Variants in CFAP299 observed in about 807,000 individuals in gnomAD.
CFAP299 encodes the protein cilia and flagella associated protein 299, also known as cilia- and flagella-associated protein 299.
In CFAP299, 21 loss-of-function variants were observed where a neutral mutation model predicts 27.0. The observed-to-expected ratio is 0.78, with a 90% CI of 0.55 to 1.12. The LOEUF is 1.12. Among genes scored for constraint, CFAP299 ranks in the 50% most tolerant of loss-of-function variants. CFAP299 has a pLI of 0.00. For synonymous variants in CFAP299, 104 were observed against 98.1 expected, an observed-to-expected ratio of 1.06 and a Z score of -0.36; for missense variants, 310 against 276.6, an observed-to-expected ratio of 1.12 and a Z score of -0.86.
intron 4 of CFAP299, among the ~76,000 whole-genome samples, chr4:80,888,027 A>G (rs1258958583): frequency 6.6e-6 from 1 of 152,076 alleles, no homozygotes; most frequent in Non-Finnish European, 1.5e-5. Flanking sequence ...CCAGAGAAAA[A>G]TCACCTTCAC....
chr4:80,886,695 A>G lies in CFAP299; in HGVS notation c.476+16560A>G, dbSNP rs1008186275. The stretch of plus-strand genomic sequence containing the variant: ...CACTGATGAGCATCTACAAGCATCA[A>G]ACCATCCAGGAACACGTAACTTCAC... On this transcript the variant is annotated intron_variant, in intron 4 of 5. Transcript: ENST00000358105. 3.9e-5 allele frequency among the ~76,000 whole-genome samples: 6 copies of G among 152,204 alleles called. 1 individual carries two copies. The highest frequency in any genetic ancestry group is 3.9e-4 in the Admixed American group (6 of 15,284).
At chr4:80,815,462 TA>T (rs1729374462) in intron 3 of CFAP299, among the ~76,000 whole-genome samples, 1 of 151,922 alleles carries the variant, frequency 6.6e-6, no homozygotes, top group Non-Finnish European at 1.5e-5. Context: ...CAATATGAAA[TA>T]AATTTAAGAC....
chr4:80,620,674 T>C (rs537927991), intron 3 of CFAP299, among the ~76,000 whole-genome samples: 1 of 152,220 alleles, frequency 6.6e-6, no homozygotes, highest in Non-Finnish European at 1.5e-5. Context: ...GAAGCCATCT[T>C]CAATCAACTT....
intron 3 of CFAP299, among the ~76,000 whole-genome samples, chr4:80,840,098 G>C (rs1730779666): frequency 1.3e-5 from 2 of 152,022 alleles, no homozygotes; most frequent in African/African-American, 4.8e-5. Flanking sequence ...TCAGAAATTT[G>C]CTTTGTTGTT....
At chr4:80,536,261 T>C (rs1733733551) in intron 2 of CFAP299, among the ~76,000 whole-genome samples, 1 of 152,188 alleles carries the variant, frequency 6.6e-6, no homozygotes, top group Non-Finnish European at 1.5e-5. Context: ...TCTGAATTAC[T>C]GCCTTTCAAG....
chr4:80,367,003 T>C (rs1723867701), intron 2 of CFAP299, among the ~76,000 whole-genome samples: 1 of 152,206 alleles, frequency 6.6e-6, no homozygotes, highest in African/African-American at 2.4e-5. Flanking sequence ...CCAGTATCAG[T>C]AAATCTATAG....
At chr4:80,633,362 C>A (rs954661549) in intron 3 of CFAP299, among the ~76,000 whole-genome samples, 3 of 152,062 alleles carry the variant, frequency 2.0e-5, no homozygotes, top group Non-Finnish European at 2.9e-5. Flanking sequence ...TCGCTTGAAG[C>A]TGGGAGGAGG....
intron 3 of CFAP299, among the ~76,000 whole-genome samples, chr4:80,814,569 C>A (rs186160967): frequency 6.6e-6 from 1 of 151,726 alleles, no homozygotes; most frequent in Non-Finnish European, 1.5e-5. Context: ...TCTAAGACTC[C>A]GTAATTTGGG....
chr4:80,822,840 C>T (rs1032784385), intron 3 of CFAP299, among the ~76,000 whole-genome samples: 3 of 152,096 alleles, frequency 2.0e-5, no homozygotes, highest in Non-Finnish European at 1.5e-5. Context: ...AGGAATTGGC[C>T]CACACTGCAC....
At chr4:80,856,946 C>G in intron 3 of CFAP299, among the ~76,000 whole-genome samples, 1 of 151,804 alleles carries the variant, frequency 6.6e-6, no homozygotes, top group Non-Finnish European at 1.5e-5. Context: ...TGAAGAAAGT[C>G]ATTGGTAGCT....
intron 2 of CFAP299, among the ~76,000 whole-genome samples, chr4:80,489,851 C>A (rs1578506043): frequency 6.6e-6 from 1 of 152,168 alleles, no homozygotes; most frequent in African/African-American, 2.4e-5. Context: ...TCTGTTAGAA[C>A]CATGGCCATT....
At chr4:80,504,460 CACAT>C (rs1350407118) in intron 2 of CFAP299, among the ~76,000 whole-genome samples, 1 of 44,320 alleles carries the variant, frequency 2.3e-5, no homozygotes, top group East Asian at 7.4e-4. Flanking sequence ...CTTAAAATCT[CACAT>C]ATATATATAT....
chr4:80,444,717 G>T (rs879410177), intron 2 of CFAP299, among the ~76,000 whole-genome samples: 3 of 152,062 alleles, frequency 2.0e-5, no homozygotes, highest in Non-Finnish European at 4.4e-5. Context: ...CACAGCAAAA[G>T]AAACTATCAT....
At chr4:80,534,332 AC>A (rs1433849265) in intron 2 of CFAP299, among the ~76,000 whole-genome samples, 3 of 150,624 alleles carry the variant, frequency 2.0e-5, no homozygotes, top group Admixed American at 6.6e-5. Flanking sequence ...AAAAAAAAAA[AC>A]AACCAAAATT....
chr4:80,503,567 A>G (rs1393106697), intron 2 of CFAP299, among the ~76,000 whole-genome samples: 1 of 152,104 alleles, frequency 6.6e-6, no homozygotes, highest in Non-Finnish European at 1.5e-5. Context: ...ATTCCTCCAT[A>G]TATAACCTGT....
chr4:80,771,594 G>A (rs1726220659), intron 3 of CFAP299, among the ~76,000 whole-genome samples: 1 of 152,128 alleles, frequency 6.6e-6, no homozygotes, highest in South Asian at 2.1e-4. Context: ...AGGCTTTTCT[G>A]TCCCTTTTAA....
At position 80,869,975 on chromosome 4, in the gene CFAP299, T is replaced by C. The variant is rs757890344; in HGVS notation, c.334-18T>C. 1 of 1,591,464 alleles carries C rather than the reference T, an allele frequency of 6.3e-7. No homozygotes were observed. Among genetic ancestry groups the C allele is most frequent in the Non-Finnish European group, 8.5e-7 (1 of 1,170,072 alleles). ...GCTCTTTTATATTTTTGTCTTATTC[T>C]CTATTCTGTGCTACCAGTCCGTGAT... On this transcript the variant is annotated intron_variant, in intron 3 of 5. Transcript: ENST00000358105.
chr4:80,388,672 C>T, intron 2 of CFAP299: 1 of 1,086,692 alleles, frequency 9.2e-7, no homozygotes, highest in Non-Finnish European at 1.4e-6. Context: ...CTAGAATGGT[C>T]TGGTTGTCCA....
chr4:80,349,806 G>T (rs967882990), intron 1 of CFAP299, among the ~76,000 whole-genome samples: 1 of 152,170 alleles, frequency 6.6e-6, no homozygotes, highest in Admixed American at 6.5e-5. Flanking sequence ...TGAATGGTTA[G>T]CATTAGAATT....
Sources: allele counts gnomAD v4.1 joint callset (sites outside exome capture counted in the v4.1 genomes callset), GRCh38; gene constraint gnomAD v4.1.1; transcripts MANE v1.5; gene names NCBI Gene and HGNC (gene_info 2026-07-23, HGNC 2026-07-21).